TENM4: variants seen among roughly 807,000 people sequenced by gnomAD.
TENM4 encodes teneurin-4.
Under a neutral mutation model 243.3 loss-of-function variants are expected in TENM4, and 82 were observed. The ratio of observed to expected loss-of-function variants is 0.34; its 90% CI spans 0.28 to 0.40. The LOEUF is 0.40. Among genes scored for constraint, TENM4 ranks in the 10% least tolerant of loss-of-function variants. The pLI is 1.00. For synonymous variants in TENM4, 1,412 were observed against 1,456.3 expected, an observed-to-expected ratio of 0.97 and a Z score of 0.69; for missense variants, 3,138 against 3,673.3, an observed-to-expected ratio of 0.85 and a Z score of 3.77.
intron 9 of TENM4, among the ~76,000 whole-genome samples, chr11:78,877,184 C>A (rs1284561691): frequency 6.6e-6 from 1 of 151,966 alleles, no homozygotes; most frequent in African/African-American, 2.4e-5. Context: ...TGTTGTTTTA[C>A]TGATAGGAAG....
At chr11:79,286,022 A>G (rs1192677651) in intron 2 of TENM4, among the ~76,000 whole-genome samples, 1 of 152,182 alleles carries the variant, frequency 6.6e-6, no homozygotes, top group African/African-American at 2.4e-5. Context: ...TAAAAGGGTA[A>G]ATTTTATAGC....
chr11:79,163,284 GTTATATTCA>G (rs1862796538), intron 3 of TENM4, among the ~76,000 whole-genome samples: 1 of 152,036 alleles, frequency 6.6e-6, no homozygotes, highest in Non-Finnish European at 1.5e-5. Flanking sequence ...TATAACAATT[GTTATATTCA>G]TAAAAATCCT....
chr11:78,971,143 C>A (rs1857537856), intron 6 of TENM4, among the ~76,000 whole-genome samples: 1 of 152,020 alleles, frequency 6.6e-6, no homozygotes, highest in African/African-American at 2.4e-5. Context: ...CCCGACTCAG[C>A]CTCCCGAGTA....
At chr11:78,886,371 C>T (rs1044421950) in intron 9 of TENM4, among the ~76,000 whole-genome samples, 13 of 152,160 alleles carry the variant, frequency 8.5e-5, no homozygotes, top group East Asian at 1.9e-4. Context: ...CCAAGTTAGT[C>T]GTCACAGCCT....
chr11:78,973,172 G>A (rs1012404355), intron 6 of TENM4, among the ~76,000 whole-genome samples: 1 of 152,226 alleles, frequency 6.6e-6, no homozygotes, highest in Non-Finnish European at 1.5e-5. Flanking sequence ...CTGTGTGAGA[G>A]TATGTTTTTA....
At chr11:79,233,847 G>T (rs1372761618) in intron 2 of TENM4, among the ~76,000 whole-genome samples, 1 of 152,202 alleles carries the variant, frequency 6.6e-6, no homozygotes, top group Non-Finnish European at 1.5e-5. Flanking sequence ...CTTAGCCATG[G>T]TCTGGATCCT....
chr11:79,169,466 T>C (rs961019819), intron 3 of TENM4, among the ~76,000 whole-genome samples: 2 of 152,062 alleles, frequency 1.3e-5, no homozygotes, highest in African/African-American at 4.8e-5. Flanking sequence ...CAGACTCAGG[T>C]CTTGGAATCC....
intron 6 of TENM4, among the ~76,000 whole-genome samples, chr11:78,909,957 A>T (rs1283244374): frequency 1.3e-5 from 2 of 152,168 alleles, no homozygotes; most frequent in Non-Finnish European, 2.9e-5. Flanking sequence ...GTGGAGGATG[A>T]ACCAGGCCGG....
intron 6 of TENM4, among the ~76,000 whole-genome samples, chr11:78,943,595 A>G (rs553354142): frequency 8.1e-4 from 123 of 152,322 alleles, no homozygotes; most frequent in African/African-American, 2.9e-3. Flanking sequence ...GTCCAGAGGG[A>G]TAGAAATTTT....
intron 1 of TENM4, among the ~76,000 whole-genome samples, chr11:79,433,986 G>C (rs1194995451): frequency 6.6e-6 from 1 of 152,174 alleles, no homozygotes; most frequent in East Asian, 1.9e-4. Flanking sequence ...CATGTCTCCT[G>C]CTGAGCATGG....
chr11:79,277,603 A>C (rs1409696099), intron 2 of TENM4, among the ~76,000 whole-genome samples: 9 of 152,164 alleles, frequency 5.9e-5, no homozygotes, highest in African/African-American at 9.7e-5. Flanking sequence ...TGAGTGTGCT[A>C]CTTCTGCACG....
intron 1 of TENM4, among the ~76,000 whole-genome samples, chr11:79,338,953 C>T (rs903049472): frequency 2.0e-5 from 3 of 152,204 alleles, no homozygotes; most frequent in African/African-American, 7.2e-5. Flanking sequence ...TGACTCAGTT[C>T]ACTTTGGGGC....
chr11:78,732,401 C>G lies in TENM4; in HGVS notation c.3053G>C (p.Arg1018Pro). The G allele has an allele frequency of 1.2e-6, 2 of 1,613,872 alleles. No homozygotes were observed. Among genetic ancestry groups the G allele is most frequent in the East Asian group, 2.2e-5 (1 of 44,868 alleles). The change falls in exon 21 of 34, where the codon CGC becomes CCC. Residue 1018 changes from arginine to proline, a missense_variant. Physicochemically the swap from Arg to Pro is moderately radical, Grantham distance 103. Coordinates refer to ENST00000278550, the MANE Select transcript of TENM4 (RefSeq NM_001098816.3). The part of the protein sequence containing the change: ...IPSCDLSNFA[R>P]PNPVVSPSPL... ...GGATGGAGAGACGACTGGGTTGGGG[C>G]GGGCAAAATTGCTCAGGTCACAGCT...
At chr11:79,345,453 T>C (rs1857310489) in intron 1 of TENM4, among the ~76,000 whole-genome samples, 1 of 152,246 alleles carries the variant, frequency 6.6e-6, no homozygotes, top group African/African-American at 2.4e-5. Context: ...AACAAAGTCC[T>C]GACAATTTGC....
chr11:78,915,316 T>C (rs568661860), intron 6 of TENM4, among the ~76,000 whole-genome samples: 2 of 152,282 alleles, frequency 1.3e-5, no homozygotes, highest in East Asian at 3.9e-4. Flanking sequence ...TCACTCTGAG[T>C]TATCACCATT....
chr11:78,833,004 A>C (rs949255675), intron 12 of TENM4, among the ~76,000 whole-genome samples: 1 of 152,220 alleles, frequency 6.6e-6, no homozygotes, highest in African/African-American at 2.4e-5. Context: ...CAAATAAGCC[A>C]TCCAAATGCA....
intron 3 of TENM4, among the ~76,000 whole-genome samples, chr11:79,181,015 A>T (rs957759666): frequency 7.2e-5 from 11 of 152,176 alleles, no homozygotes; most frequent in African/African-American, 2.7e-4. Flanking sequence ...CCAAACACGT[A>T]TGGAAGAAAC....
At chr11:79,046,184 C>T (rs749104224) in intron 6 of TENM4, among the ~76,000 whole-genome samples, 3 of 152,204 alleles carry the variant, frequency 2.0e-5, no homozygotes, top group Non-Finnish European at 2.9e-5. Context: ...GATTGTGTGT[C>T]CTGGCCCAGC....
chr11:78,757,727 C>T (rs2135956775), intron 18 of TENM4, among the ~76,000 whole-genome samples: 1 of 152,366 alleles, frequency 6.6e-6, no homozygotes, highest in East Asian at 1.9e-4. Flanking sequence ...CACAGCAATT[C>T]TCAGCGTCTC....
Sources: gnomAD v4.1 joint callset for allele counts (sites outside exome capture counted in the v4.1 genomes callset) on GRCh38, gnomAD v4.1.1 for gene constraint, MANE v1.5 for transcripts, NCBI Gene and HGNC (gene_info 2026-07-23, HGNC 2026-07-21) for gene names.